Variants in GET1 observed in about 807,000 individuals in gnomAD.
GET1 encodes congenital heart disease 5 protein.
In GET1, 20 loss-of-function variants were observed where a neutral mutation model predicts 22.6. The observed-to-expected ratio is 0.89, with a 90% confidence interval of 0.62 to 1.29. The LOEUF (loss-of-function observed/expected upper bound fraction) is 1.29, where lower values mean the gene tolerates loss of function less well. Ranked by LOEUF, GET1 falls within the 50% of genes most tolerant of loss-of-function variation. The pLI, the probability that GET1 is intolerant of heterozygous loss-of-function variation, is 0.00. For synonymous variants in GET1, 92 were observed against 83.8 expected, an observed-to-expected ratio of 1.10 and a Z score of -0.53; for missense variants, 209 against 219.9, an observed-to-expected ratio of 0.95 and a Z score of 0.31.
At chr21:39,383,573 C>T (rs552559307) in intron 1 of GET1, among the ~76,000 whole-genome samples, 5 of 151,526 alleles carry the variant, frequency 3.3e-5, no homozygotes, top group South Asian at 2.1e-4. Flanking sequence ...TGAGCCACTG[C>T]ACCCAGCTAA....
intron 4 of GET1, among the ~76,000 whole-genome samples, chr21:39,393,541 C>A (rs561708888): frequency 6.6e-6 from 1 of 152,298 alleles, no homozygotes; most frequent in South Asian, 2.1e-4. Flanking sequence ...CCCAATACGT[C>A]AAGTCTGATA....
intron 4 of GET1, among the ~76,000 whole-genome samples, chr21:39,404,913 C>T (rs2038962024): frequency 6.6e-6 from 1 of 151,306 alleles, no homozygotes; most frequent in South Asian, 2.1e-4. Flanking sequence ...TCACTGCAGC[C>T]TCTGCCTCCT....
rs1405306816 is a variant in GET1 at position 39,396,868 on chromosome 21, G to A, written c.454G>A (p.Gly152Ser). ...ATGGTGAATGTCTTTGTTTTCAGGT[G>A]GTGTTGGAATTACCTGTTGGATTTT... is the stretch of plus-strand genomic sequence containing the variant. The part of the protein sequence containing the change: ...LVAFPTRVAG[G>S]VGITCWILVC... The change falls in exon 5 of 5, where the codon GGT becomes AGT. Residue 152 changes from glycine (G) to serine (S), a missense_variant and splice_region_variant. Coordinates refer to ENST00000649170, the MANE Select transcript of GET1 (RefSeq NM_004627.6). The A allele has an allele frequency of 1.9e-6, 3 of 1,613,846 alleles. No individual in the cohort carries two copies. Among genetic ancestry groups the A allele is most frequent in the South Asian group, 1.1e-5 (1 of 91,040 alleles).
downstream of GET1, among the ~76,000 whole-genome samples, chr21:39,401,219 T>G (rs766357046): frequency 2.2e-4 from 34 of 152,188 alleles, 1 homozygote; most frequent in Middle Eastern, 0.01. Flanking sequence ...TGGACTAATT[T>G]TTAAATTTTT....
chr21:39,421,738 G>C (rs1426872359), intron 1 of GET1: 1 of 151,984 alleles, frequency 6.6e-6, no homozygotes, highest in East Asian at 1.9e-4. Flanking sequence ...AGCTACAAGG[G>C]GAAAGAATCA....
At chr21:39,385,085 T>A (rs771292439) in intron 1 of GET1, among the ~76,000 whole-genome samples, 1 of 152,092 alleles carries the variant, frequency 6.6e-6, no homozygotes, top group Non-Finnish European at 1.5e-5. Context: ...GGCTACTTCA[T>A]CACAGCCTCT....
Position 39,414,738 on chromosome 21 carries a change from CTCTCTGTGTGTGTG to C in GET1, c.*23+3803_*23+3816del, listed in dbSNP as rs1157816173. ...CCTCTCTCTCTCTCTCTCTCTCTCT[CTCTCTGTGTGTGTG>C]TGTGTGTGTGTGTGTGTGTGTGTGT... On this transcript the variant is annotated intron_variant, in intron 1 of 1. Transcript: ENST00000478273. 2.5e-4 allele frequency among the ~76,000 whole-genome samples: 27 copies of C among 107,376 alleles called. No individual in the cohort carries two copies. The East Asian group carries it at 3.2e-3, about 13-fold the overall frequency. The allele number at this position is 107,376 out of a possible 152,430, so 70.4% of individuals were successfully genotyped here.
intron 1 of GET1, among the ~76,000 whole-genome samples, chr21:39,385,191 C>T (rs1422732816): frequency 2.0e-5 from 3 of 152,164 alleles, no homozygotes; most frequent in Non-Finnish European, 2.9e-5. Context: ...CGCTCAGGTA[C>T]TTAGATTATA....
chr21:39,387,497 C>T (rs900556605), intron 1 of GET1, among the ~76,000 whole-genome samples: 5 of 152,202 alleles, frequency 3.3e-5, no homozygotes, highest in African/African-American at 1.2e-4. Flanking sequence ...ATTCCTATTT[C>T]CTTCTCCAGA....
intron 4 of GET1, among the ~76,000 whole-genome samples, chr21:39,404,658 G>A (rs1176964612): frequency 1.4e-5 from 2 of 146,846 alleles, no homozygotes; most frequent in Non-Finnish European, 3.0e-5. Flanking sequence ...GCTGAGACAC[G>A]AGAATCGCTT....
At chr21:39,403,575 G>A (rs935897035) in intron 4 of GET1, among the ~76,000 whole-genome samples, 10 of 150,916 alleles carry the variant, frequency 6.6e-5, no homozygotes, top group Admixed American at 4.0e-4. Flanking sequence ...GCCCGCCTCG[G>A]CCTCCCAAAG....
chr21:39,411,689 G>T (rs16997561), intron 1 of GET1: 2 of 1,177,588 alleles, frequency 1.7e-6, no homozygotes, highest in African/African-American at 1.5e-5. Context: ...CTTAAAAATA[G>T]ATTTTGAGCA....
At chr21:39,419,345 C>T (rs1441540545) in intron 1 of GET1, among the ~76,000 whole-genome samples, 10 of 151,934 alleles carry the variant, frequency 6.6e-5, no homozygotes, top group Admixed American at 4.6e-4. Context: ...GGCAACACAG[C>T]GAGACCCCGT....
chr21:39,391,924 G>C lies in GET1; in HGVS notation c.336+88G>C, dbSNP rs191903626. ...TCTGCAGATCCAGGGCTGGGAGTTCGGGCTGTTCCACCTTCAGCTGTCGTG... is the reference window on the plus strand; with the variant it reads ...TCTGCAGATCCAGGGCTGGGAGTTCCGGCTGTTCCACCTTCAGCTGTCGTG... On this transcript the variant is annotated intron_variant, in intron 3 of 4. Transcript: ENST00000649170. The C allele has an allele frequency of 7.3e-4, 956 of 1,314,508 alleles. 11 individuals carry two copies. The African/African-American group carries it at 0.013, about 18-fold the overall frequency. 81.4% of individuals were successfully genotyped at this position (1,314,508 alleles called of 1,614,324 possible).
At chr21:39,415,720 A>C (rs1247495177) in intron 1 of GET1, among the ~76,000 whole-genome samples, 1 of 152,208 alleles carries the variant, frequency 6.6e-6, no homozygotes, top group African/African-American at 2.4e-5. Flanking sequence ...CGACTGATTA[A>C]TATATCTCTT....
chr21:39,396,768 A>G, intron 4 of GET1, 98 bp from the exon 5 acceptor site: 2 of 1,119,722 alleles, frequency 1.8e-6, no homozygotes, highest in Non-Finnish European at 2.7e-6. Flanking sequence ...GCTCAAAAAG[A>G]ATGGAAATAC....
chr21:39,400,753 C>T (rs973420846), downstream of GET1, among the ~76,000 whole-genome samples: 7 of 152,024 alleles, frequency 4.6e-5, no homozygotes, highest in African/African-American at 1.2e-4. Context: ...GGTTCTAATG[C>T]GTATCAATCT....
chr21:39,388,789 C>T (rs952923059), intron 1 of GET1, among the ~76,000 whole-genome samples: 3 of 152,156 alleles, frequency 2.0e-5, no homozygotes, highest in Admixed American at 6.5e-5. Flanking sequence ...GCGCTCCAGT[C>T]ACCTCTCCCA....
intron 1 of GET1, among the ~76,000 whole-genome samples, chr21:39,412,036 G>A (rs1222128674): frequency 6.6e-6 from 1 of 152,180 alleles, no homozygotes; most frequent in East Asian, 1.9e-4. Context: ...GAGCCTTGCA[G>A]GTCAGCTTGT....
Sources: allele counts gnomAD v4.1 joint callset (sites outside exome capture counted in the v4.1 genomes callset), GRCh38; gene constraint gnomAD v4.1.1; transcripts MANE v1.5; gene names NCBI Gene and HGNC (gene_info 2026-07-23, HGNC 2026-07-21).